Variants in PAK3 observed in about 807,000 individuals in gnomAD.
PAK3 encodes the protein p21 (RAC1) activated kinase 3.
Under a neutral mutation model 41.0 loss-of-function variants are expected in PAK3, and 4 were observed. The ratio of observed to expected loss-of-function variants is 0.10; its 90% CI spans 0.05 to 0.22. PAK3 has a LOEUF of 0.22. PAK3 is among the 10% of genes least tolerant of loss of function. PAK3 has a pLI of 1.00. For missense variants in PAK3, 205 were observed against 409.9 expected (o/e 0.50, Z 4.32); for synonymous variants, 146 against 139.6 (o/e 1.05, Z -0.32).
intron 1 of PAK3, among the ~76,000 whole-genome samples, chrX:110,997,519 G>A (rs942539343): frequency 9.0e-6 from 1 of 111,523 alleles, no homozygotes; most frequent in African/African-American, 3.3e-5. Flanking sequence ...AGGATTTGCT[G>A]ACAGACCTAT....
chrX:111,137,724 C>G (rs2093811212), intron 5 of PAK3, among the ~76,000 whole-genome samples: 1 of 111,526 alleles, frequency 9.0e-6, no homozygotes, highest in African/African-American at 3.3e-5. Flanking sequence ...CCAGGAATTA[C>G]AACCAGAACT....
intron 4 of PAK3, among the ~76,000 whole-genome samples, chrX:111,119,902 T>G (rs753375582): frequency 8.9e-6 from 1 of 112,420 alleles, no homozygotes; most frequent in South Asian, 3.7e-4. Context: ...TCCTGTACTA[T>G]TCTTTCAACA....
chrX:110,975,555 A>G (rs1229678578), intron 1 of PAK3, among the ~76,000 whole-genome samples: 1 of 112,113 alleles, frequency 8.9e-6, no homozygotes, highest in Non-Finnish European at 1.9e-5. Context: ...TATAGATTCA[A>G]TGCCATCCCC....
At chrX:111,065,859 A>G (rs989284606) in intron 1 of PAK3, among the ~76,000 whole-genome samples, 2 of 111,874 alleles carry the variant, frequency 1.8e-5, no homozygotes, top group Non-Finnish European at 3.8e-5. Flanking sequence ...AGGTGTCCAT[A>G]GTAATCTCTG....
At chrX:111,159,153 G>A (rs949184019) in intron 8 of PAK3, among the ~76,000 whole-genome samples, 4 of 111,187 alleles carry the variant, frequency 3.6e-5, no homozygotes, top group Non-Finnish European at 7.5e-5. Context: ...CTTTTAAAAT[G>A]TATGGTTAGG....
intron 1 of PAK3, among the ~76,000 whole-genome samples, chrX:111,065,387 G>T (rs2092694727): frequency 1.8e-5 from 2 of 108,789 alleles, no homozygotes; most frequent in Non-Finnish European, 3.8e-5. Context: ...AACCAACCTT[G>T]CATGCCAGGA....
At chrX:111,157,345 G>A (rs2094119318) in intron 8 of PAK3, among the ~76,000 whole-genome samples, 1 of 111,688 alleles carries the variant, frequency 9.0e-6, no homozygotes, top group Non-Finnish European at 1.9e-5. Context: ...TCTAGCTGGT[G>A]TATTCTCTAG....
At chrX:111,099,160 AT>A (rs779582896) in intron 3 of PAK3, among the ~76,000 whole-genome samples, 111 of 112,413 alleles carry the variant, frequency 9.9e-4, no homozygotes, top group Middle Eastern at 4.6e-3. Context: ...GTGGCAGTCT[AT>A]TTCCATTTCC....
intron 1 of PAK3, among the ~76,000 whole-genome samples, chrX:111,048,150 T>A (rs1265042841): frequency 9.0e-6 from 1 of 111,277 alleles, no homozygotes; most frequent in African/African-American, 3.3e-5. Context: ...GTCCTTTTTC[T>A]GCAATACTCT....
chrX:111,168,207 T>C (rs1191307702), intron 10 of PAK3, among the ~76,000 whole-genome samples: 5 of 112,241 alleles, frequency 4.5e-5, no homozygotes, highest in Non-Finnish European at 7.5e-5. Flanking sequence ...ACTGAACTCA[T>C]ATCATGAATG....
intron 6 of PAK3, chrX:111,146,700 C>G (rs1285866774): frequency 5.2e-6 from 2 of 381,680 alleles, no homozygotes; most frequent in East Asian, 8.6e-5. Context: ...CATTCCCAAA[C>G]TCTGGAGGCC....
chrX:111,119,345 A>T (rs1422580420), intron 4 of PAK3, among the ~76,000 whole-genome samples: 1 of 112,076 alleles, frequency 8.9e-6, no homozygotes, highest in Non-Finnish European at 1.9e-5. Context: ...AGCAGATATA[A>T]ACCATTGCTG....
intron 3 of PAK3, 47 bp downstream of exon 3, chrX:111,097,731 A>C (rs1424529600): frequency 9.0e-6 from 1 of 111,507 alleles, no homozygotes; most frequent in East Asian, 2.8e-4. Context: ...TAATTGGGCA[A>C]GATCTGTGAT....
chrX:111,074,186 A>G (rs1044200245), intron 1 of PAK3, among the ~76,000 whole-genome samples: 1 of 112,018 alleles, frequency 8.9e-6, no homozygotes, highest in Admixed American at 9.5e-5. Flanking sequence ...TAAATACATT[A>G]GGTTTAGAAG....
chrX:111,142,033 T>C (rs761739432), intron 5 of PAK3, 63 bp from the exon 6 acceptor site: 1 of 630,814 alleles, frequency 1.6e-6, no homozygotes, highest in African/African-American at 2.2e-5. Context: ...TGAACCTAAT[T>C]GTACAACTTG....
intron 1 of PAK3, among the ~76,000 whole-genome samples, chrX:110,952,552 G>A (rs2090765276): frequency 9.1e-6 from 1 of 110,350 alleles, no homozygotes; most frequent in African/African-American, 3.3e-5. Context: ...GATTTGATAT[G>A]TTTAATAATG....
At chrX:110,993,654 A>G (rs2091689542) in intron 1 of PAK3, among the ~76,000 whole-genome samples, 1 of 112,264 alleles carries the variant, frequency 8.9e-6, no homozygotes, top group African/African-American at 3.2e-5. Context: ...GACAAATTCA[A>G]ATGCATGGCT....
At chrX:111,122,425 C>T (rs1375536944) in intron 4 of PAK3, among the ~76,000 whole-genome samples, 3 of 109,449 alleles carry the variant, frequency 2.7e-5, no homozygotes, top group African/African-American at 1.0e-4. Flanking sequence ...GGAACTGGCC[C>T]TCCAACATTT....
At chrX:111,122,926 C>A in intron 4 of PAK3, 151 bp from the exon 5 acceptor site, 1 of 475,258 alleles carries the variant, frequency 2.1e-6, no homozygotes, top group Non-Finnish European at 3.7e-6. Flanking sequence ...TCCTTCCCTC[C>A]AGAAGAGAAA....
Sources: gnomAD v4.1 joint callset for allele counts (sites outside exome capture counted in the v4.1 genomes callset) on GRCh38, gnomAD v4.1.1 for gene constraint, MANE v1.5 for transcripts, NCBI Gene and HGNC (gene_info 2026-07-23, HGNC 2026-07-21) for gene names.